SCOC: variants seen among roughly 807,000 people sequenced by gnomAD.
SCOC encodes short coiled-coil protein.
SCOC carries 7 observed loss-of-function variants against 9.9 expected under a neutral mutation model. The observed-to-expected ratio is 0.71, with a 90% confidence interval of 0.40 to 1.33. The LOEUF (loss-of-function observed/expected upper bound fraction) is 1.33. Among genes scored for constraint, SCOC ranks in the 40% most tolerant of loss-of-function variants. The pLI, the probability that SCOC is intolerant of heterozygous loss-of-function variation, is 0.01. For synonymous variants in SCOC, 19 were observed against 28.2 expected (o/e 0.67, Z 1.03); for missense variants, 66 against 89.7 (o/e 0.74, Z 1.07).
chr4:140,353,375 T>C (rs184770197), intron 2 of SCOC, among the ~76,000 whole-genome samples: 39 of 152,258 alleles, frequency 2.6e-4, no homozygotes, highest in African/African-American at 8.9e-4. Context: ...TTTGCTTTCC[T>C]AGATAGGCGT....
At position 140,367,236 on chromosome 4, in the gene SCOC, CATAA is replaced by C. The variant is rs370355272; in HGVS notation, c.71-11863_71-11860del. 1.5e-4 allele frequency among the ~76,000 whole-genome samples: 23 copies of C among 151,970 alleles called. No individual in the cohort carries two copies. The East Asian group carries it at 1.7e-3, about 12-fold the overall frequency. ...TGGGTGACAGAGTAAGACCATTTCTCATAAATAAATAAATAAATAAATAAAAATA... is the reference window on the plus strand; with the variant it reads ...TGGGTGACAGAGTAAGACCATTTCTCATAAATAAATAAATAAATAAAAATA... On this transcript the variant is annotated intron_variant, in intron 2 of 4. Transcript: ENST00000338517.
At chr4:140,328,246 C>G (rs561283541) in intron 1 of SCOC, among the ~76,000 whole-genome samples, 3 of 152,266 alleles carry the variant, frequency 2.0e-5, no homozygotes, top group African/African-American at 7.2e-5. Flanking sequence ...TCTATCAGTT[C>G]TTGAGGAGCA....
rs1300118435 is a variant in SCOC at position 140,381,295 on chromosome 4, C to T, written c.*191C>T. 8 of 476,356 alleles carry T rather than the reference C, an allele frequency of 1.7e-5. No homozygotes were observed. Among genetic ancestry groups the T allele is most frequent in the African/African-American group, 1.2e-4 (6 of 49,026 alleles). The allele number at this position is 476,356 out of a possible 1,614,324, so 29.5% of individuals were successfully genotyped here. On this transcript the variant is annotated 3_prime_UTR_variant, in exon 4 of 4. Transcript: ENST00000608372. ...TGTGTATTATGTTAGTCTATGAAAA[C>T]GTGCAAATGTATTGTAGAGACTTTA... is the stretch of plus-strand genomic sequence containing the variant.
Position 140,287,316 on chromosome 4 carries a change from C to A in SCOC, c.-19+29906C>A, listed in dbSNP as rs185728017. The stretch of plus-strand genomic sequence containing the variant: ...ATGCACACATAGATACCATACACCA[C>A]ACATGTTTACACACATACTAAACAC... On this transcript the variant is annotated intron_variant, in intron 1 of 4. Coordinates refer to the SCOC transcript ENST00000394205. Among the ~76,000 whole-genome samples, 757 of 151,998 alleles carry A rather than the reference C, an allele frequency of 5.0e-3. 6 individuals are homozygous for A. The highest frequency in any genetic ancestry group is 0.017 in the African/African-American group (702 of 41,396).
chr4:140,369,480 A>G (rs1333128121), upstream of SCOC: 1 of 262,586 alleles, frequency 3.8e-6, no homozygotes, highest in Non-Finnish European at 7.9e-6. Flanking sequence ...AAAGTTATCA[A>G]AAATGCTTCC....
chr4:140,317,088 G>A (rs1014531662), intron 1 of SCOC, among the ~76,000 whole-genome samples: 1 of 152,102 alleles, frequency 6.6e-6, no homozygotes, highest in African/African-American at 2.4e-5. Context: ...GATCTTAAGG[G>A]CTTTTCAGGA....
At chr4:140,354,180 TA>T (rs1432432596) in intron 2 of SCOC, among the ~76,000 whole-genome samples, 2 of 152,220 alleles carry the variant, frequency 1.3e-5, no homozygotes, top group Admixed American at 1.3e-4. Flanking sequence ...GCTTCCTTTA[TA>T]AAAATGTTTA....
chr4:140,345,780 T>C (rs927325666), intron 2 of SCOC, among the ~76,000 whole-genome samples: 5 of 151,708 alleles, frequency 3.3e-5, no homozygotes, highest in African/African-American at 9.7e-5. Context: ...GCCCAGAGAG[T>C]CTAAATGCCT....
chr4:140,373,649 A>T lies in SCOC; in HGVS notation c.-119A>T. The stretch of plus-strand genomic sequence containing the variant: ...CGGAGTGGGCGGAGCTGCCGGGGTC[A>T]GTTGGTCCAAGTGTCCCGGCCTGAG... On this transcript the variant is annotated 5_prime_UTR_variant, in exon 1 of 4. Coordinates refer to ENST00000608372, the MANE Select transcript of SCOC (RefSeq NM_001153484.2). 6.4e-7 allele frequency: 1 copy of T among 1,551,518 alleles called. No homozygotes were observed.
chr4:140,358,194 C>T (rs1211472267), intron 2 of SCOC, among the ~76,000 whole-genome samples: 1 of 152,118 alleles, frequency 6.6e-6, no homozygotes, highest in Non-Finnish European at 1.5e-5. Context: ...AAAAGTTTTA[C>T]CTTTATTATT....
At chr4:140,361,804 TA>T (rs778792054) in intron 2 of SCOC, among the ~76,000 whole-genome samples, 4 of 152,212 alleles carry the variant, frequency 2.6e-5, no homozygotes, top group African/African-American at 4.8e-5. Context: ...GGATTCAGAA[TA>T]CCTCTGAGGA....
chr4:140,350,947 T>C (rs879685257), intron 2 of SCOC, among the ~76,000 whole-genome samples: 2 of 151,788 alleles, frequency 1.3e-5, no homozygotes, highest in Non-Finnish European at 2.9e-5. Context: ...CCCAGCACTT[T>C]GGGAGGCTGA....
intron 1 of SCOC, among the ~76,000 whole-genome samples, chr4:140,297,343 C>A (rs1321324430): frequency 6.6e-6 from 1 of 151,950 alleles, no homozygotes; most frequent in Non-Finnish European, 1.5e-5. Context: ...ACACAAAGCA[C>A]TGCACCTCCC....
intron 1 of SCOC, among the ~76,000 whole-genome samples, chr4:140,261,031 T>A (rs899297412): frequency 6.6e-6 from 1 of 152,236 alleles, no homozygotes; most frequent in Non-Finnish European, 1.5e-5. Flanking sequence ...TGAGCACCTA[T>A]GTGCCAGGCA....
At position 140,290,836 on chromosome 4, in the gene SCOC, C is replaced by T. The variant is rs141148267; in HGVS notation, c.-19+33426C>T. On this transcript the variant is annotated intron_variant, in intron 1 of 4. Coordinates refer to the SCOC transcript ENST00000394205. ...TCTCAAAAACAAACAAACAAACAAACGAACAAACCCCACATCACAGTGGAC... is the reference window on the plus strand; with the variant it reads ...TCTCAAAAACAAACAAACAAACAAATGAACAAACCCCACATCACAGTGGAC... Among the ~76,000 whole-genome samples, 8 of 152,152 alleles carry T rather than the reference C, an allele frequency of 5.3e-5. No homozygotes were observed. The East Asian group carries it at 5.8e-4, about 11-fold the overall frequency.
chr4:140,291,723 G>A (rs1039919869), intron 1 of SCOC, among the ~76,000 whole-genome samples: 2 of 152,264 alleles, frequency 1.3e-5, no homozygotes, highest in Middle Eastern at 3.4e-3. Flanking sequence ...GCCTTCAGTA[G>A]GCAACGGTCA....
At chr4:140,369,259 C>T (rs565018486), upstream of SCOC, 26 of 448,546 alleles carry the variant, frequency 5.8e-5, no homozygotes, top group African/African-American at 3.0e-4. Context: ...TATACAATTA[C>T]GTCTAGTTTT....
At chr4:140,310,063 C>A (rs1346666173) in intron 1 of SCOC, among the ~76,000 whole-genome samples, 1 of 152,156 alleles carries the variant, frequency 6.6e-6, no homozygotes, top group Non-Finnish European at 1.5e-5. Context: ...CCAAAGGCAT[C>A]CAAAGGCATA....
At chr4:140,259,017 G>A (rs1730571256) in intron 1 of SCOC, among the ~76,000 whole-genome samples, 1 of 152,234 alleles carries the variant, frequency 6.6e-6, no homozygotes, top group Non-Finnish European at 1.5e-5. Flanking sequence ...CTCTCAACAA[G>A]TGGAATTGGA....
Sources: gnomAD v4.1 joint callset for allele counts (sites outside exome capture counted in the v4.1 genomes callset) on GRCh38, gnomAD v4.1.1 for gene constraint, MANE v1.5 for transcripts, NCBI Gene and HGNC (gene_info 2026-07-23, HGNC 2026-07-21) for gene names.